Variants in SHROOM4 observed in about 807,000 individuals in gnomAD.
SHROOM4 encodes the protein protein Shroom4.
Under a neutral mutation model 80.3 loss-of-function variants are expected in SHROOM4, and 17 were observed. The observed-to-expected ratio is 0.21, with a 90% CI of 0.14 to 0.32. The LOEUF (loss-of-function observed/expected upper bound fraction) is 0.32. SHROOM4 is among the 10% of genes least tolerant of loss of function. The pLI, the probability that SHROOM4 is intolerant of heterozygous loss-of-function variation, is 1.00. For missense variants in SHROOM4, 993 were observed against 1,140.3 expected, an observed-to-expected ratio of 0.87 and a Z score of 1.86; for synonymous variants, 400 against 437.5, an observed-to-expected ratio of 0.91 and a Z score of 1.07.
Position 50,591,015 on chromosome X carries a change from A to T in SHROOM4, c.*5680T>A, listed in dbSNP as rs1928863850. Among the ~76,000 whole-genome samples the T allele has an allele frequency of 8.9e-6, 1 of 112,363 alleles. No homozygotes were observed. Among genetic ancestry groups the T allele is most frequent in the Non-Finnish European group, 1.9e-5 (1 of 53,282 alleles). On this transcript the variant is annotated 3_prime_UTR_variant, in exon 9 of 9. Transcript: ENST00000376020. ...CGTCTTAACATTAGGAAGACTTATTACAATGTTTTCTTCTAAGAATTTTAT... is the reference window on the plus strand; with the variant it reads ...CGTCTTAACATTAGGAAGACTTATTTCAATGTTTTCTTCTAAGAATTTTAT...
At chrX:50,604,903 ATACT>A (rs1267696864) in intron 6 of SHROOM4, among the ~76,000 whole-genome samples, 1 of 112,331 alleles carries the variant, frequency 8.9e-6, no homozygotes, top group African/African-American at 3.2e-5. Context: ...GACTTAAATA[ATACT>A]TAATTATTCC....
At chrX:50,618,421 TTTC>T (rs201840685) in intron 5 of SHROOM4, among the ~76,000 whole-genome samples, 859 of 82,459 alleles carry the variant, frequency 0.01, 26 homozygotes, top group Middle Eastern at 0.017. Flanking sequence ...CCTTCCTTCC[TTTC>T]TTATTTTTGA....
At chrX:50,614,073 G>T (rs781801466) in intron 5 of SHROOM4, among the ~76,000 whole-genome samples, 1 of 111,945 alleles carries the variant, frequency 8.9e-6, no homozygotes, top group Admixed American at 9.5e-5. Context: ...CGTAGTTTTA[G>T]AACTGGATAG....
At chrX:50,791,818 T>C (rs192331729) in intron 1 of SHROOM4, among the ~76,000 whole-genome samples, 192 of 110,254 alleles carry the variant, frequency 1.7e-3, no homozygotes, top group African/African-American at 5.6e-3. Context: ...CTGATTTCAA[T>C]TGATATTGCA....
At chrX:50,581,911 A>T (rs1331020953), downstream of SHROOM4, among the ~76,000 whole-genome samples, 2 of 111,012 alleles carry the variant, frequency 1.8e-5, no homozygotes, top group Admixed American at 1.9e-4. Context: ...ACCGCAGATT[A>T]AGTGAACCTC....
intron 1 of SHROOM4, among the ~76,000 whole-genome samples, chrX:50,732,862 T>TA (rs1307361080): frequency 2.7e-5 from 3 of 112,272 alleles, no homozygotes; most frequent in African/African-American, 9.7e-5. Flanking sequence ...TATAAATTCT[T>TA]AAAAAACTCT....
chrX:50,645,388 T>C (rs1557257781), intron 2 of SHROOM4, among the ~76,000 whole-genome samples: 1 of 112,245 alleles, frequency 8.9e-6, no homozygotes, highest in Non-Finnish European at 1.9e-5. Context: ...TGCAAACGCT[T>C]GCCTGAAGAA....
intron 2 of SHROOM4, among the ~76,000 whole-genome samples, chrX:50,689,709 G>A (rs1173209306): frequency 3.6e-5 from 4 of 111,313 alleles, no homozygotes; most frequent in African/African-American, 9.8e-5. Context: ...AACACTTTAC[G>A]TTTTCCTCAT....
chrX:50,765,380 G>A (rs1411791990), intron 1 of SHROOM4, among the ~76,000 whole-genome samples: 1 of 111,812 alleles, frequency 8.9e-6, no homozygotes, highest in African/African-American at 3.3e-5. Context: ...TTTTCCAGCA[G>A]AAAGTAAAAA....
At chrX:50,743,148 T>C (rs1452350126) in intron 1 of SHROOM4, among the ~76,000 whole-genome samples, 1 of 107,887 alleles carries the variant, frequency 9.3e-6, no homozygotes, top group African/African-American at 3.4e-5. Flanking sequence ...CTTTAGTACT[T>C]CCTTACTTCC....
intron 2 of SHROOM4, among the ~76,000 whole-genome samples, chrX:50,641,891 C>T (rs1235791499): frequency 1.8e-5 from 2 of 112,648 alleles, no homozygotes; most frequent in Non-Finnish European, 3.7e-5. Context: ...GGATTACAAG[C>T]GTGAGCCACT....
At chrX:50,737,498 T>C (rs1934523818) in intron 1 of SHROOM4, among the ~76,000 whole-genome samples, 1 of 111,155 alleles carries the variant, frequency 9.0e-6, no homozygotes, top group African/African-American at 3.3e-5. Flanking sequence ...GATTGGAAGT[T>C]TAAAAAATGG....
Position 50,607,982 on chromosome X carries a change from G to A in SHROOM4, c.3160C>T (p.Arg1054Cys), listed in dbSNP as rs1222306259. 9.1e-6 allele frequency: 11 copies of A among 1,212,072 alleles called. No individual in the cohort carries two copies. The highest frequency in any genetic ancestry group is 3.0e-5 in the East Asian group (1 of 33,826). The change falls in exon 6 of 9, where the codon CGC (arginine) becomes TGC (cysteine). Residue 1054 changes from arginine to cysteine, a missense_variant. Arg to Cys is a radical substitution (Grantham distance 180). Transcript: ENST00000376020. ...SSLASMPHPLRSRAFSESHIS... is the reference protein window; with the variant it reads ...SSLASMPHPLCSRAFSESHIS... ...TGACTCTCTGAGAAGGCACGGCTGC[G>A]CAGTGGGTGGGGCATGGAGGCAAGG...
At chrX:50,706,715 C>T (rs1220999327) in intron 1 of SHROOM4, among the ~76,000 whole-genome samples, 1 of 111,672 alleles carries the variant, frequency 9.0e-6, no homozygotes, top group Admixed American at 9.5e-5. Context: ...TAAAGAGACA[C>T]TTTAAACTTT....
intron 1 of SHROOM4, among the ~76,000 whole-genome samples, chrX:50,768,732 GATT>G (rs782472735): frequency 1.5e-4 from 17 of 112,134 alleles, no homozygotes; most frequent in Non-Finnish European, 2.6e-4. Context: ...TGGGTCCAAA[GATT>G]ACATATGCTG....
chrX:50,813,139 C>CGGCGGCGGCGGCGGCGGCAGT (rs1348843321), intron 1 of SHROOM4, among the ~76,000 whole-genome samples: 2 of 90,361 alleles, frequency 2.2e-5, no homozygotes, highest in African/African-American at 7.5e-5. Flanking sequence ...CAAACCCTGG[C>CGGCGGCGGCGGCGGCGGCAGT]GGCGGCGGCG....
intron 1 of SHROOM4, among the ~76,000 whole-genome samples, chrX:50,749,365 T>C (rs899224179): frequency 8.9e-6 from 1 of 112,347 alleles, no homozygotes; most frequent in Admixed American, 9.4e-5. Context: ...AGCATTTCCC[T>C]GGTTCATCTT....
chrX:50,772,968 C>T (rs1187930672), intron 1 of SHROOM4, among the ~76,000 whole-genome samples: 1 of 111,926 alleles, frequency 8.9e-6, no homozygotes, highest in African/African-American at 3.2e-5. Flanking sequence ...GACCAAGGGG[C>T]CACAGCAGGA....
chrX:50,762,818 A>G (rs1310138871), intron 1 of SHROOM4, among the ~76,000 whole-genome samples: 1 of 111,563 alleles, frequency 9.0e-6, no homozygotes, highest in East Asian at 2.8e-4. Context: ...TGCTGCTCTT[A>G]TGACTTTTCC....
Sources: gnomAD v4.1 joint callset for allele counts (sites outside exome capture counted in the v4.1 genomes callset) on GRCh38, gnomAD v4.1.1 for gene constraint, MANE v1.5 for transcripts, NCBI Gene and HGNC (gene_info 2026-07-23, HGNC 2026-07-21) for gene names.